The following CDH9 variants were observed in gnomAD, a reference collection of about 807,000 sequenced individuals.
The protein encoded by CDH9 is cadherin 9.
In CDH9, 28 loss-of-function variants were observed where a neutral mutation model predicts 70.9. That is an observed-to-expected ratio of 0.40 (90% CI 0.29 to 0.54). The LOEUF (loss-of-function observed/expected upper bound fraction) is 0.54. CDH9 is among the 20% of genes least tolerant of loss of function. The pLI, the probability that CDH9 is intolerant of heterozygous loss-of-function variation, is 0.59. For missense variants in CDH9, 874 were observed against 984.4 expected, an observed-to-expected ratio of 0.89 and a Z score of 1.50; for synonymous variants, 409 against 343.1, an observed-to-expected ratio of 1.19 and a Z score of -2.12.
At chr5:26,893,992 T>C (rs1221709093) in intron 7 of CDH9, among the ~76,000 whole-genome samples, 70 of 152,140 alleles carry the variant, frequency 4.6e-4, no homozygotes, top group Admixed American at 4.5e-3. Context: ...AATAAAGTCA[T>C]TGGAACAACA....
intron 1 of CDH9, among the ~76,000 whole-genome samples, chr5:27,033,412 A>G (rs1229046652): frequency 1.3e-5 from 2 of 151,504 alleles, no homozygotes; most frequent in African/African-American, 4.8e-5. Flanking sequence ...ATAGATACAG[A>G]TATACAGAAA....
intron 2 of CDH9, among the ~76,000 whole-genome samples, chr5:26,982,156 G>A (rs1296131069): frequency 1.4e-5 from 2 of 141,946 alleles, no homozygotes; most frequent in South Asian, 2.4e-4. Flanking sequence ...ATTGATGAGT[G>A]TATATATAAA....
chr5:26,916,404 T>TCCC, intron 2 of CDH9, among the ~76,000 whole-genome samples: 1 of 151,960 alleles, frequency 6.6e-6, no homozygotes, highest in East Asian at 1.9e-4. Context: ...GTACAGAGTA[T>TCCC]CCCCTTATCT....
At position 26,942,527 on chromosome 5, in the gene CDH9, A is replaced by G. The variant is rs930368732; in HGVS notation, c.229-26603T>C. On this transcript the variant is annotated intron_variant, in intron 2 of 11. Transcript: ENST00000231021. The stretch of plus-strand genomic sequence containing the variant: ...CTGAAGAGGACATTTAAACTATAGT[A>G]CTTGCTTACAACAGTTGCCTTAAAC... 2.6e-5 allele frequency among the ~76,000 whole-genome samples: 4 copies of G among 152,324 alleles called. No individual in the cohort carries two copies. In the East Asian group the frequency reaches 7.7e-4, roughly 29 times the overall value.
chr5:26,895,342 A>G (rs1290870275), intron 7 of CDH9, among the ~76,000 whole-genome samples: 1 of 152,062 alleles, frequency 6.6e-6, no homozygotes, highest in Non-Finnish European at 1.5e-5. Context: ...TATTATTGTT[A>G]GATTATTATT....
At position 26,964,587 on chromosome 5, in the gene CDH9, A is replaced by T. The variant is rs530119012; in HGVS notation, c.228+23519T>A. On this transcript the variant is annotated intron_variant, in intron 2 of 11. Coordinates refer to ENST00000231021, the MANE Select transcript of CDH9 (RefSeq NM_016279.4). The stretch of plus-strand genomic sequence containing the variant: ...TATGAAAGACTTAGCACGCAGTTTC[A>T]TCACCACTCATAAACCTAGCACTAT... Among the ~76,000 whole-genome samples, 3 of 152,304 alleles carry T rather than the reference A, an allele frequency of 2.0e-5. No homozygotes were observed. In the South Asian group the frequency reaches 6.2e-4, roughly 32 times the overall value.
In CDH9 at chr5:26,939,114, A is replaced by G. The variant is rs1478446926; in HGVS notation, c.229-23190T>C. On this transcript the variant is annotated intron_variant, in intron 2 of 11. Coordinates refer to ENST00000231021, the MANE Select transcript of CDH9 (RefSeq NM_016279.4). ...AATTTCACCAAGTTATTGGAAGGAA[A>G]TGTTTAATATTGTAAATATGTCGAT... Among the ~76,000 whole-genome samples, 4 of 151,908 alleles carry G rather than the reference A, an allele frequency of 2.6e-5. No individual in the cohort carries two copies. In the East Asian group the frequency reaches 7.7e-4, roughly 29 times the overall value.
At chr5:26,997,923 C>T (rs1742695028) in intron 1 of CDH9, among the ~76,000 whole-genome samples, 1 of 152,152 alleles carries the variant, frequency 6.6e-6, no homozygotes, top group South Asian at 2.1e-4. Context: ...TGGTCTCGAT[C>T]TCTTGACCTC....
At chr5:26,893,497 G>A (rs942759324) in intron 7 of CDH9, among the ~76,000 whole-genome samples, 9 of 151,958 alleles carry the variant, frequency 5.9e-5, no homozygotes, top group East Asian at 5.8e-4. Context: ...TTCAATAATC[G>A]TTATTGTAAT....
chr5:27,001,797 C>G (rs1742773222), intron 1 of CDH9, among the ~76,000 whole-genome samples: 1 of 151,572 alleles, frequency 6.6e-6, no homozygotes, highest in South Asian at 2.1e-4. Flanking sequence ...TGAAGCATCT[C>G]ATAGTGTCAG....
intron 1 of CDH9, among the ~76,000 whole-genome samples, chr5:27,001,300 GA>G (rs1310649731): frequency 3.9e-5 from 6 of 151,930 alleles, no homozygotes. Flanking sequence ...AGACTAAATG[GA>G]AAAAAATTGC....
intron 11 of CDH9, among the ~76,000 whole-genome samples, chr5:26,883,041 T>TTAGAGAGAGAGA (rs1221330777): frequency 3.4e-5 from 2 of 58,040 alleles, no homozygotes; most frequent in African/African-American, 1.3e-4. Context: ...CAGGATCATC[T>TTAGAGAGAGAGA]TATATATATA....
rs757582596 is a variant in CDH9, at chr5:26,915,853, T to C, written c.300A>G (p.Leu100=). The change falls in exon 3 of 12, where the codon CTA becomes CTG. Residue 100 remains leucine, a synonymous_variant. Coordinates refer to ENST00000231021, the MANE Select transcript of CDH9 (RefSeq NM_016279.4). The stretch of plus-strand genomic sequence containing the variant: ...CTCCTGTATTTTCATCTATAACAAA[T>C]AGACTGCCAGCCCCATCTCCTGTTA... ...YILTGDGAGS[L]FVIDENTGDI... is the part of the protein sequence containing the mutation. 3.1e-6 allele frequency: 5 copies of C among 1,612,296 alleles called. No homozygotes were observed. In the African/African-American group the frequency reaches 5.3e-5, roughly 17 times the overall value.
Position 26,988,169 on chromosome 5 carries a change from C to A in CDH9, c.165G>T (p.Trp55Cys), listed in dbSNP as rs2112091581. Residue 55 changes from tryptophan (W) to cysteine (C), a missense_variant, in exon 2 of 12, where the codon TGG (tryptophan) becomes TGT (cysteine). Transcript: ENST00000231021. ...GKMLRRTKRG[W>C]MWNQFFLLEE... ...CCAATAAGAAGAACTGATTCCACATCCAGCCACGCTTGGTGCGACGTAGCA... is the reference window on the plus strand; with the variant it reads ...CCAATAAGAAGAACTGATTCCACATACAGCCACGCTTGGTGCGACGTAGCA... The A allele has an allele frequency of 6.2e-7, 1 of 1,613,424 alleles. No homozygotes were observed. Among genetic ancestry groups the A allele is most frequent in the Non-Finnish European group, 8.5e-7 (1 of 1,179,634 alleles).
At chr5:26,980,129 C>A (rs1742375488) in intron 2 of CDH9, among the ~76,000 whole-genome samples, 2 of 151,542 alleles carry the variant, frequency 1.3e-5, no homozygotes, top group Admixed American at 1.3e-4. Context: ...TCTAAAAAAT[C>A]TGTGGGAGAA....
At position 27,006,632 on chromosome 5, in the gene CDH9, C is replaced by T. The variant is rs1742869663; in HGVS notation, c.-49-18250G>A. Reference sequence around the variant, plus strand: ...GAGAATTCCTGCTTTAGTAGCATCCCTAGTCAGCTCCCTTAACTGTACCCA... The same window carrying T: ...GAGAATTCCTGCTTTAGTAGCATCCTTAGTCAGCTCCCTTAACTGTACCCA... On this transcript the variant is annotated intron_variant, in intron 1 of 11. Coordinates refer to ENST00000231021, the MANE Select transcript of CDH9 (RefSeq NM_016279.4). 2.0e-5 allele frequency among the ~76,000 whole-genome samples: 3 copies of T among 152,126 alleles called. No individual in the cohort carries two copies. In the South Asian group the frequency reaches 6.2e-4, roughly 32 times the overall value.
chr5:26,882,007 AC>A (rs2111962230), intron 11 of CDH9, among the ~76,000 whole-genome samples: 1 of 152,206 alleles, frequency 6.6e-6, no homozygotes, highest in Admixed American at 6.6e-5. Flanking sequence ...TCACTTTGGC[AC>A]AAGTATCATT....
Position 26,881,313 on chromosome 5 carries a change from T to G in CDH9, c.2193A>C (p.Pro731=). The change falls in exon 12 of 12, where the codon CCA becomes CCC. Residue 731 remains proline, a synonymous_variant. Transcript: ENST00000231021. ...AGGCATACGTTGCCAGCGAATCATA[T>G]GGAGGTGCACTTGGGTCTGCGTCGT... is the stretch of plus-strand genomic sequence containing the variant. ...KENDADPSAP[P]YDSLATYAYE... is the part of the protein sequence containing the mutation. 3.1e-6 allele frequency: 5 copies of G among 1,613,190 alleles called. No individual in the cohort carries two copies. The highest frequency in any genetic ancestry group is 4.2e-6 in the Non-Finnish European group (5 of 1,179,254).
At chr5:26,950,205 C>T (rs1001480694) in intron 2 of CDH9, among the ~76,000 whole-genome samples, 2 of 152,124 alleles carry the variant, frequency 1.3e-5, no homozygotes, top group African/African-American at 4.8e-5. Flanking sequence ...AGCTAGTGTT[C>T]TACAATGTTT....
Sources: allele counts gnomAD v4.1 joint callset (sites outside exome capture counted in the v4.1 genomes callset), GRCh38; gene constraint gnomAD v4.1.1; transcripts MANE v1.5; gene names NCBI Gene and HGNC (gene_info 2026-07-23, HGNC 2026-07-21).